The following SLC9A6 variants were observed in gnomAD, a reference collection of about 807,000 sequenced individuals.
SLC9A6 encodes the protein solute carrier family 9 member A6.
A neutral mutation model predicts 45.3 loss-of-function variants in SLC9A6; 6 were observed. That is an observed-to-expected ratio of 0.13 (90% CI 0.07 to 0.26). SLC9A6 has a LOEUF of 0.26. SLC9A6 is among the 10% of genes least tolerant of loss of function. The pLI, the probability that SLC9A6 is intolerant of heterozygous loss-of-function variation, is 1.00. For synonymous variants in SLC9A6, 191 were observed against 187.7 expected (o/e 1.02, Z -0.14); for missense variants, 278 against 503.7 (o/e 0.55, Z 4.29).
chrX:136,013,534 C>G (rs2070963070), intron 10 of SLC9A6, 97 bp downstream of exon 10: 1 of 597,865 alleles, frequency 1.7e-6, no homozygotes, highest in Non-Finnish European at 2.7e-6. Flanking sequence ...TTGATCTGTT[C>G]AAGATGCTAT....
rs782519174 is a variant in SLC9A6, at chrX:136,040,040, A to G, written c.1662-36A>G. ...AAACGAGTTGCTCTTTTAAATTTGTAAAGAAAGGACCACAGCTCTTCCTTA... is the reference window on the plus strand; with the variant it reads ...AAACGAGTTGCTCTTTTAAATTTGTGAAGAAAGGACCACAGCTCTTCCTTA... On this transcript the variant is annotated intron_variant, in intron 16 of 17. Transcript: ENST00000630721. 3.6e-5 allele frequency: 39 copies of G among 1,090,299 alleles called. No homozygotes were observed. The East Asian group carries it at 1.0e-3, about 28-fold the overall frequency. 89.9% of individuals were successfully genotyped at this position (1,090,299 alleles called of 1,213,427 possible).
At chrX:136,016,286 A>G (rs968193682) in intron 10 of SLC9A6, among the ~76,000 whole-genome samples, 5 of 110,703 alleles carry the variant, frequency 4.5e-5, no homozygotes, top group Middle Eastern at 4.6e-3. Context: ...AGGATGAGGG[A>G]TGGTTAGAGG....
chrX:136,026,802 T>C (rs1294456740), intron 13 of SLC9A6, among the ~76,000 whole-genome samples: 1 of 112,156 alleles, frequency 8.9e-6, no homozygotes, highest in Non-Finnish European at 1.9e-5. Context: ...TCCCAAAGTA[T>C]TGGGATTACA....
At chrX:135,989,281 C>T (rs1271669721) in intron 2 of SLC9A6, among the ~76,000 whole-genome samples, 2 of 111,903 alleles carry the variant, frequency 1.8e-5, no homozygotes, top group African/African-American at 3.2e-5. Flanking sequence ...ATGTTTTGCT[C>T]CTTGGGTTAG....
chrX:136,024,144 C>T (rs2071188331), intron 12 of SLC9A6, among the ~76,000 whole-genome samples, 186 bp from the exon 13 acceptor site: 1 of 112,088 alleles, frequency 8.9e-6, no homozygotes, highest in Non-Finnish European at 1.9e-5. Context: ...ACCTCGGCCT[C>T]CCAAAGTGCT....
At chrX:136,032,764 A>G (rs1192671558) in intron 15 of SLC9A6, among the ~76,000 whole-genome samples, 1 of 112,095 alleles carries the variant, frequency 8.9e-6, no homozygotes, top group Admixed American at 9.5e-5. Context: ...ATCCATGACG[A>G]CTCCCAAATA....
At chrX:136,013,479 T>C in intron 10 of SLC9A6, 42 bp downstream of exon 10, 1 of 931,094 alleles carries the variant, frequency 1.1e-6, no homozygotes, top group Non-Finnish European at 1.6e-6. Context: ...TTTTCCTTCT[T>C]TCAGCAAAAT....
intron 2 of SLC9A6, among the ~76,000 whole-genome samples, chrX:135,990,626 G>A (rs2089415009): frequency 9.0e-6 from 1 of 110,987 alleles, no homozygotes; most frequent in African/African-American, 3.3e-5. Context: ...TTGCCCAAGT[G>A]CTGAGCTCTC....
At chrX:135,996,923 C>G (rs1556616603) in intron 3 of SLC9A6, among the ~76,000 whole-genome samples, 1 of 109,330 alleles carries the variant, frequency 9.1e-6, no homozygotes, top group African/African-American at 3.3e-5. Flanking sequence ...CCCGCCACCA[C>G]GCCCGGCTAA....
intron 7 of SLC9A6, among the ~76,000 whole-genome samples, chrX:136,003,071 C>G (rs984935209): frequency 9.2e-6 from 1 of 109,244 alleles, no homozygotes; most frequent in African/African-American, 3.3e-5. Context: ...TCACTGCAAC[C>G]TCTGCTTCCT....
chrX:136,011,308 C>T (rs1269217591), intron 8 of SLC9A6, among the ~76,000 whole-genome samples: 1 of 112,194 alleles, frequency 8.9e-6, no homozygotes, highest in African/African-American at 3.2e-5. Flanking sequence ...GGCACGATCT[C>T]GGCTCACTGC....
intron 10 of SLC9A6, among the ~76,000 whole-genome samples, chrX:136,015,216 T>C (rs2070997324): frequency 8.9e-6 from 1 of 112,928 alleles, no homozygotes; most frequent in Non-Finnish European, 1.9e-5. Flanking sequence ...AATTCACATT[T>C]CCATGTCCAC....
chrX:136,037,356 A>G (rs1412264112), intron 16 of SLC9A6, among the ~76,000 whole-genome samples: 2 of 112,369 alleles, frequency 1.8e-5, no homozygotes, highest in African/African-American at 6.5e-5. Flanking sequence ...TGAGACTTCC[A>G]TATCATAAAC....
rs1217465646 is a variant in SLC9A6 at position 136,045,891 on chromosome X, G to A, written c.*1167G>A. On this transcript the variant is annotated 3_prime_UTR_variant, in exon 18 of 18. Transcript: ENST00000630721. ...GGCTCCTTTGTGTGCAGCAGGTGTA[G>A]TAGTCTTCATTTTCATGGTACGTTT... 1.8e-5 allele frequency: 2 copies of A among 111,588 alleles called. No individual in the cohort carries two copies. The highest frequency in any genetic ancestry group is 6.5e-5 in the African/African-American group (2 of 30,673). The allele number at this position is 111,588 out of a possible 1,213,427, so 9.2% of individuals were successfully genotyped here.
chrX:136,016,142 C>A (rs1556619248), intron 10 of SLC9A6, among the ~76,000 whole-genome samples: 2 of 111,351 alleles, frequency 1.8e-5, no homozygotes, highest in African/African-American at 6.5e-5. Flanking sequence ...AGTCACAGGG[C>A]AAGCTGGGAG....
chrX:136,016,121 G>A (rs1003563498), intron 10 of SLC9A6, among the ~76,000 whole-genome samples: 7 of 111,288 alleles, frequency 6.3e-5, no homozygotes, highest in African/African-American at 1.3e-4. Context: ...GAAGACCCAC[G>A]CAAAAAGTGA....
intron 15 of SLC9A6, among the ~76,000 whole-genome samples, chrX:136,032,564 C>T (rs2071345256): frequency 8.9e-6 from 1 of 112,303 alleles, no homozygotes; most frequent in Non-Finnish European, 1.9e-5. Flanking sequence ...AACTGCCCAA[C>T]TGCTGACTGC....
chrX:136,018,451 A>G (rs1301785659), intron 11 of SLC9A6, among the ~76,000 whole-genome samples: 4 of 112,328 alleles, frequency 3.6e-5, no homozygotes, highest in East Asian at 5.6e-4. Flanking sequence ...AGTTTTTTCA[A>G]GTGGGTGCAA....
intron 7 of SLC9A6, among the ~76,000 whole-genome samples, chrX:136,005,118 T>G (rs1490709043): frequency 8.9e-6 from 1 of 112,283 alleles, no homozygotes; most frequent in Non-Finnish European, 1.9e-5. Flanking sequence ...AGAAAATCTC[T>G]GTTCTGGTCT....
Sources: gnomAD v4.1 joint callset for allele counts (sites outside exome capture counted in the v4.1 genomes callset) on GRCh38, gnomAD v4.1.1 for gene constraint, MANE v1.5 for transcripts, NCBI Gene and HGNC (gene_info 2026-07-23, HGNC 2026-07-21) for gene names.